Variants in NRXN1 observed in about 807,000 individuals in gnomAD.
The protein encoded by NRXN1 is neurexin 1.
A neutral mutation model predicts 150.9 loss-of-function variants in NRXN1; 39 were observed. The ratio of observed to expected loss-of-function variants is 0.26; its 90% CI spans 0.20 to 0.34. The LOEUF is 0.34. Ranked by LOEUF, NRXN1 falls within the 10% of genes least tolerant of loss-of-function variation. The pLI is 1.00. For missense variants in NRXN1, 1,815 were observed against 1,949.9 expected (o/e 0.93, Z 1.30); for synonymous variants, 924 against 757.0 (o/e 1.22, Z -3.62).
intron 21 of NRXN1, among the ~76,000 whole-genome samples, chr2:50,036,155 G>T (rs1311202277): frequency 6.6e-6 from 1 of 152,090 alleles, no homozygotes; most frequent in African/African-American, 2.4e-5. Context: ...ATGTGTCAAG[G>T]AAGAGACCAG....
intron 5 of NRXN1, among the ~76,000 whole-genome samples, chr2:50,879,252 C>T (rs997957902): frequency 1.3e-5 from 2 of 151,892 alleles, no homozygotes; most frequent in Admixed American, 6.6e-5. Flanking sequence ...CTAACCCTTA[C>T]CTGAATCTCC....
At chr2:50,650,372 T>C (rs746203549) in intron 5 of NRXN1, among the ~76,000 whole-genome samples, 8 of 152,080 alleles carry the variant, frequency 5.3e-5, no homozygotes, top group Non-Finnish European at 1.0e-4. Context: ...AACACAGTTC[T>C]GGAAGGATGA....
At chr2:50,626,372 G>A (rs949007998) in intron 5 of NRXN1, among the ~76,000 whole-genome samples, 3 of 151,856 alleles carry the variant, frequency 2.0e-5, no homozygotes, top group East Asian at 1.9e-4. Flanking sequence ...AGTTGCCTGC[G>A]TAAAGATGGA....
chr2:50,815,874 G>A (rs1376463157), intron 5 of NRXN1, among the ~76,000 whole-genome samples: 1 of 152,046 alleles, frequency 6.6e-6, no homozygotes, highest in Non-Finnish European at 1.5e-5. Flanking sequence ...GTTAAATAAT[G>A]CATAAGTGTA....
intron 17 of NRXN1, among the ~76,000 whole-genome samples, chr2:50,407,923 G>C (rs1172816840): frequency 1.3e-5 from 2 of 152,118 alleles, no homozygotes; most frequent in African/African-American, 2.4e-5. Flanking sequence ...TACATGGCTT[G>C]GGCTTCATCG....
In NRXN1 at chr2:49,920,266, C is replaced by T. The variant is rs1020833337; in HGVS notation, c.*1678G>A. 2 of 152,116 alleles carry T rather than the reference C, an allele frequency of 1.3e-5. No homozygotes were observed. Among genetic ancestry groups the T allele is most frequent in the Admixed American group, 6.6e-5 (1 of 15,244 alleles). 9.4% of individuals were successfully genotyped at this position (152,116 alleles called of 1,614,324 possible). ...ATGATTTTTTAAGTGGGTAGTAATA[C>T]AGAATCAAAAATTACTGAAAAATAC... On this transcript the variant is annotated 3_prime_UTR_variant, in exon 23 of 23. Transcript: ENST00000401669.
intron 18 of NRXN1, among the ~76,000 whole-genome samples, chr2:50,228,060 A>C (rs2152866647): frequency 6.6e-6 from 1 of 152,176 alleles, no homozygotes; most frequent in East Asian, 1.9e-4. Context: ...GTGTACAAGA[A>C]GTTCCTTGTT....
intron 18 of NRXN1, among the ~76,000 whole-genome samples, chr2:50,120,110 A>G (rs144339477): frequency 6.5e-4 from 99 of 152,120 alleles, no homozygotes; most frequent in African/African-American, 2.2e-3. Flanking sequence ...ATTAAAAGGC[A>G]ATTTAATATT....
chr2:50,534,790 T>G (rs1027995751), intron 10 of NRXN1, among the ~76,000 whole-genome samples: 2 of 152,186 alleles, frequency 1.3e-5, no homozygotes, highest in African/African-American at 4.8e-5. Context: ...ATCACATTTT[T>G]GAAATAATCA....
At chr2:50,265,905 A>T (rs186510436) in intron 17 of NRXN1, among the ~76,000 whole-genome samples, 1 of 151,844 alleles carries the variant, frequency 6.6e-6, no homozygotes, top group East Asian at 1.9e-4. Flanking sequence ...TTAAAGCTAG[A>T]AAAACGGTCA....
At chr2:50,747,160 G>C (rs533925209) in intron 5 of NRXN1, among the ~76,000 whole-genome samples, 1 of 152,152 alleles carries the variant, frequency 6.6e-6, no homozygotes, top group East Asian at 1.9e-4. Flanking sequence ...ATATACAACG[G>C]GTCATTTAGG....
intron 5 of NRXN1, among the ~76,000 whole-genome samples, chr2:50,647,188 A>G (rs909201986): frequency 6.6e-6 from 1 of 151,920 alleles, no homozygotes; most frequent in Non-Finnish European, 1.5e-5. Flanking sequence ...AGTGTCTTGA[A>G]GAAGAAAAAA....
At chr2:50,440,844 C>T (rs180875959) in intron 17 of NRXN1, among the ~76,000 whole-genome samples, 50 of 152,118 alleles carry the variant, frequency 3.3e-4, no homozygotes, top group South Asian at 6.2e-4. Context: ...GATTTTCTAT[C>T]TGATCAAATG....
chr2:50,208,440 T>C (rs1437595181), intron 18 of NRXN1, among the ~76,000 whole-genome samples: 1 of 152,142 alleles, frequency 6.6e-6, no homozygotes, highest in Non-Finnish European at 1.5e-5. Context: ...CCTCTGACCA[T>C]TCTTGCAAAT....
chr2:50,865,328 T>A (rs1296773806), intron 5 of NRXN1, among the ~76,000 whole-genome samples: 1 of 151,898 alleles, frequency 6.6e-6, no homozygotes, highest in Admixed American at 6.6e-5. Context: ...ATAAAAGTAG[T>A]CTTATCCAGA....
chr2:50,182,021 T>C (rs889557170), intron 18 of NRXN1, among the ~76,000 whole-genome samples: 1 of 151,100 alleles, frequency 6.6e-6, no homozygotes, highest in Non-Finnish European at 1.5e-5. Flanking sequence ...TTTTGGTAGC[T>C]TCAAGGGAAA....
chr2:50,419,732 A>C (rs2083824667), intron 17 of NRXN1, among the ~76,000 whole-genome samples: 1 of 152,094 alleles, frequency 6.6e-6, no homozygotes, highest in Non-Finnish European at 1.5e-5. Flanking sequence ...GTAATGTAAA[A>C]ACATTAAAAC....
chr2:50,942,029 G>T (rs886760804), intron 2 of NRXN1, among the ~76,000 whole-genome samples: 2 of 152,176 alleles, frequency 1.3e-5, no homozygotes, highest in Non-Finnish European at 2.9e-5. Flanking sequence ...GTTATGCCTT[G>T]AGATATGGCA....
intron 17 of NRXN1, among the ~76,000 whole-genome samples, chr2:50,334,418 T>C (rs536681273): frequency 6.6e-6 from 1 of 152,080 alleles, no homozygotes; most frequent in South Asian, 2.1e-4. Flanking sequence ...TTAATAAGAT[T>C]GCCTTTCTCT....
Sources: allele counts gnomAD v4.1 joint callset (sites outside exome capture counted in the v4.1 genomes callset), GRCh38; gene constraint gnomAD v4.1.1; transcripts MANE v1.5; gene names NCBI Gene and HGNC (gene_info 2026-07-23, HGNC 2026-07-21).